SPNS3: variants seen among roughly 807,000 people sequenced by gnomAD.
SPNS3 encodes protein spinster homolog 3.
SPNS3 carries 51 observed loss-of-function variants against 54.4 expected under a neutral mutation model. The ratio of observed to expected loss-of-function variants is 0.94; its 90% CI spans 0.75 to 1.18. The LOEUF (loss-of-function observed/expected upper bound fraction) is 1.18. Among genes scored for constraint, SPNS3 ranks in the 50% most tolerant of loss-of-function variants. The probability of loss-of-function intolerance (pLI) is 0.00; values close to 1 mark genes in which losing one functional copy is unlikely to be tolerated. For synonymous variants in SPNS3, 309 were observed against 294.7 expected (o/e 1.05, Z -0.50); for missense variants, 669 against 677.4 (o/e 0.99, Z 0.14).
intron 8 of SPNS3, among the ~76,000 whole-genome samples, chr17:4,457,532 G>A (rs1167026108): frequency 1.3e-5 from 2 of 152,222 alleles, no homozygotes; most frequent in Admixed American, 6.5e-5. Context: ...ACTGAGGGAG[G>A]GGACCATCAC....
At chr17:4,461,831 G>A (rs922133308) in intron 8 of SPNS3, among the ~76,000 whole-genome samples, 2 of 152,088 alleles carry the variant, frequency 1.3e-5, no homozygotes, top group Admixed American at 6.5e-5. Flanking sequence ...TTTGGGGAAG[G>A]TCAACAGCTT....
rs1413694695 is a variant in SPNS3, at chr17:4,458,588, C to CCTTCCTTCCTTT, written c.1113+5386_1113+5387insCCTTCCTTTCTT. On this transcript the variant is annotated intron_variant, in intron 8 of 11. Transcript: ENST00000355530. ...TCCCTCCTTTCTTTCTTCCTTCCCT[C>CCTTCCTTCCTTT]CTTTCTTTCTTTCTTTCTTTCTTTC... is the stretch of plus-strand genomic sequence containing the variant. Among the ~76,000 whole-genome samples the CCTTCCTTCCTTT allele has an allele frequency of 8.3e-3, 493 of 59,326 alleles. 15 individuals are homozygous for CCTTCCTTCCTTT. The highest frequency in any genetic ancestry group is 0.025 in the African/African-American group (414 of 16,448). 38.9% of individuals were successfully genotyped at this position (59,326 alleles called of 152,430 possible).
At chr17:4,464,843 C>G (rs1440034681) in intron 8 of SPNS3, among the ~76,000 whole-genome samples, 1 of 152,076 alleles carries the variant, frequency 6.6e-6, no homozygotes, top group Non-Finnish European at 1.5e-5. Flanking sequence ...CTATGCCCGG[C>G]TGACTTTTGG....
intron 8 of SPNS3, among the ~76,000 whole-genome samples, chr17:4,474,243 A>T (rs1264361151): frequency 6.6e-6 from 1 of 152,202 alleles, no homozygotes; most frequent in East Asian, 1.9e-4. Flanking sequence ...GCCCCTGGAA[A>T]CCAGGCGGTG....
chr17:4,435,875 T>G (rs1381789449), intron 1 of SPNS3, among the ~76,000 whole-genome samples: 5 of 152,144 alleles, frequency 3.3e-5, no homozygotes, highest in African/African-American at 9.7e-5. Context: ...GAGGTTGCGG[T>G]GAGCTGAGAT....
intron 8 of SPNS3, among the ~76,000 whole-genome samples, chr17:4,476,290 G>A (rs118102462): frequency 0.029 from 4,490 of 152,296 alleles, 104 homozygotes; most frequent in Non-Finnish European, 0.045. Flanking sequence ...ATCGTCGGGC[G>A]GCTTCTTCAG....
At chr17:4,441,239 A>C (rs1046518132) in intron 2 of SPNS3, among the ~76,000 whole-genome samples, 3 of 152,208 alleles carry the variant, frequency 2.0e-5, no homozygotes, top group Non-Finnish European at 1.5e-5. Flanking sequence ...GAGTGACATG[A>C]GAGCCAGGTG....
At chr17:4,449,937 C>A (rs1056633646) in intron 7 of SPNS3, among the ~76,000 whole-genome samples, 2 of 152,164 alleles carry the variant, frequency 1.3e-5, no homozygotes, top group African/African-American at 4.8e-5. Flanking sequence ...GGCTCCACTT[C>A]TGTTCCTATC....
chr17:4,447,656 C>T (rs1971034302), intron 5 of SPNS3, among the ~76,000 whole-genome samples: 1 of 152,128 alleles, frequency 6.6e-6, no homozygotes. Context: ...CTTGAATAAA[C>T]CTTCTCATGG....
chr17:4,470,844 T>G lies in SPNS3; in HGVS notation c.1114-7728T>G, dbSNP rs77923821. Reference sequence around the variant, plus strand: ...GACACCAGCCTTCTTATACCTCCTCTCTCCCTTCTCTCCCCAACCTCCTGA... The same window carrying G: ...GACACCAGCCTTCTTATACCTCCTCGCTCCCTTCTCTCCCCAACCTCCTGA... On this transcript the variant is annotated intron_variant, in intron 8 of 11. Transcript: ENST00000355530. Among the ~76,000 whole-genome samples the G allele has an allele frequency of 7.9e-3, 1,196 of 152,272 alleles. 6 individuals carry two copies. Among genetic ancestry groups the G allele is most frequent in the African/African-American group, 0.025 (1,058 of 41,546 alleles).
Position 4,437,109 on chromosome 17 carries a change from T to C in SPNS3, c.200-2549T>C, listed in dbSNP as rs935438319. 5.9e-5 allele frequency among the ~76,000 whole-genome samples: 9 copies of C among 152,124 alleles called. 1 individual carries two copies. Among genetic ancestry groups the C allele is most frequent in the African/African-American group, 2.2e-4 (9 of 41,442 alleles). ...TGGAGAAGTGAAACCGTGCTGAGCA[T>C]CTGGGAACTGGTGGGGGTAAACAGC... On this transcript the variant is annotated intron_variant, in intron 1 of 11. Coordinates refer to ENST00000355530, the MANE Select transcript of SPNS3 (RefSeq NM_182538.5).
chr17:4,455,784 A>G (rs1300358158), intron 8 of SPNS3, among the ~76,000 whole-genome samples: 1 of 152,084 alleles, frequency 6.6e-6, no homozygotes, highest in Non-Finnish European at 1.5e-5. Context: ...GCCAGATGAC[A>G]TGCATCTGAG....
At chr17:4,437,695 A>AAT (rs1567551537) in intron 1 of SPNS3, among the ~76,000 whole-genome samples, 5 of 152,232 alleles carry the variant, frequency 3.3e-5, no homozygotes, top group African/African-American at 1.2e-4. Flanking sequence ...TAAAAATAAA[A>AAT]AACAAAATAT....
rs1235442851 is a variant in SPNS3, at chr17:4,458,643, T to TTCTTTCTC, written c.1113+5444_1113+5445insTCTCTTTC. 1.0e-3 allele frequency among the ~76,000 whole-genome samples: 151 copies of TTCTTTCTC among 144,792 alleles called. 1 individual carries two copies. Among genetic ancestry groups the TTCTTTCTC allele is most frequent in the African/African-American group, 3.8e-3 (143 of 38,082 alleles). The allele number at this position is 144,792 out of a possible 152,430, so 95.0% of individuals were successfully genotyped here. A position where few individuals can be genotyped will look rare whatever the true frequency, so the allele number is the denominator to read the frequency against. ...TTTCTTTCTTTCTTTCTTTCTTTCT[T>TTCTTTCTC]TCTTTCCTTCCTTCTTTCTTTCTTT... On this transcript the variant is annotated intron_variant, in intron 8 of 11. Coordinates refer to ENST00000355530, the MANE Select transcript of SPNS3 (RefSeq NM_182538.5).
Position 4,453,061 on chromosome 17 carries a change from C to T in SPNS3, c.969C>T (p.Val323=), listed in dbSNP as rs764811608. 1 of 1,614,032 alleles carries T rather than the reference C, an allele frequency of 6.2e-7. No homozygotes were observed. The highest frequency in any genetic ancestry group is 1.1e-5 in the South Asian group (1 of 91,076). ...ALTIMTGVIG[V]ILGAEAARRY... ...CCATCATGACCGGCGTCATTGGGGT[C>T]ATCTTGGGGGCAGAAGCTGCGAGGA... The change falls in exon 8 of 12, where the codon GTC becomes GTT. Residue 323 remains valine (V), a synonymous_variant. Transcript: ENST00000355530.
intron 7 of SPNS3, 50 bp from the exon 8 acceptor site, chr17:4,452,966 T>C: frequency 6.4e-7 from 1 of 1,561,386 alleles, no homozygotes; most frequent in Non-Finnish European, 8.7e-7. Context: ...TAAGAGTCCC[T>C]ATGCTAAGCT....
rs145468118 is a variant in SPNS3 at position 4,453,054 on chromosome 17, T to C, written c.962T>C (p.Ile321Thr). Residue 321 changes from isoleucine (I) to threonine (T), a missense_variant, in exon 8 of 12, where the codon ATT becomes ACT. Ile to Thr is a moderately conservative substitution (Grantham distance 89). Coordinates refer to ENST00000355530, the MANE Select transcript of SPNS3 (RefSeq NM_182538.5). ...GCACTGACCATCATGACCGGCGTCA[T>C]TGGGGTCATCTTGGGGGCAGAAGCT... ...FGALTIMTGV[I>T]GVILGAEAAR... 79 of 1,613,916 alleles carry C rather than the reference T, an allele frequency of 4.9e-5. 1 individual carries two copies. Among genetic ancestry groups the C allele is most frequent in the Admixed American group, 1.7e-4 (10 of 59,978 alleles).
Position 4,486,309 on chromosome 17 carries a change from C to T in SPNS3, c.1261C>T (p.Pro421Ser), listed in dbSNP as rs201937557. 250 of 1,598,058 alleles carry T rather than the reference C, an allele frequency of 1.6e-4. No homozygotes were observed. Among genetic ancestry groups the T allele is most frequent in the Middle Eastern group, 3.3e-4 (2 of 6,004 alleles). Residue 421 changes from proline to serine, a missense_variant, in exon 10 of 12, where the codon CCC (proline) becomes TCC (serine). By Grantham distance (74) the Pro-to-Ser change is moderately conservative. Transcript: ENST00000355530. This position sits in a 1 kb window ranked among gnomAD's most constrained non-coding sequence, Gnocchi z 5.5. ...VGHILGDAGS[P>S]YLTGLISSVL... is the part of the protein sequence containing the mutation. ...CCACATCCTGGGAGACGCTGGCAGC[C>T]CCTATCTCACAGGACTTGTAAGACG...
chr17:4,450,064 T>G (rs35606919), intron 7 of SPNS3, among the ~76,000 whole-genome samples: 2,623 of 151,524 alleles, frequency 0.017, 44 homozygotes, highest in Non-Finnish European at 0.023. Flanking sequence ...CCCGGCCTCC[T>G]CCCTGCCTCC....
Sources: gnomAD v4.1 joint callset for allele counts (sites outside exome capture counted in the v4.1 genomes callset) on GRCh38, gnomAD v4.1.1 for gene constraint, Gnocchi (gnomAD v3.1) non-coding constraint, MANE v1.5 for transcripts, NCBI Gene and HGNC (gene_info 2026-07-23, HGNC 2026-07-21) for gene names.